The following PALD1 variants were observed in gnomAD, a reference collection of about 807,000 sequenced individuals.
PALD1 encodes paladin.
A neutral mutation model predicts 96.0 loss-of-function variants in PALD1; 57 were observed. That is an observed-to-expected ratio of 0.59 (90% confidence interval 0.48 to 0.74). The LOEUF is 0.74. Among genes scored for constraint, PALD1 ranks in the 30% least tolerant of loss-of-function variants. The pLI, the probability that PALD1 is intolerant of heterozygous loss-of-function variation, is 0.00. For missense variants in PALD1, 1,063 were observed against 1,143.7 expected, an observed-to-expected ratio of 0.93 and a Z score of 1.02; for synonymous variants, 464 against 473.6, an observed-to-expected ratio of 0.98 and a Z score of 0.26.
intron 16 of PALD1, 80 bp downstream of exon 16, chr10:70,541,322 C>T: frequency 1.9e-6 from 3 of 1,543,050 alleles, no homozygotes; most frequent in Non-Finnish European, 2.7e-6. Flanking sequence ...ACTGGCTCCA[C>T]AGGAGGGTGT....
chr10:70,462,812 T>G, the PALD1 span, among the ~76,000 whole-genome samples: 1 of 151,920 alleles, frequency 6.6e-6, no homozygotes, highest in Non-Finnish European at 1.5e-5. Flanking sequence ...AGCTCTCTGG[T>G]TTTTTAGAAG....
chr10:70,566,269 C>T (rs1034998520), intron 19 of PALD1, among the ~76,000 whole-genome samples: 9 of 152,214 alleles, frequency 5.9e-5, no homozygotes, highest in African/African-American at 1.9e-4. Flanking sequence ...TGCTCCTGGG[C>T]GTCCACGTGG....
chr10:70,483,442 C>G (rs1485752460), intron 1 of PALD1, among the ~76,000 whole-genome samples: 1 of 152,202 alleles, frequency 6.6e-6, no homozygotes, highest in Admixed American at 6.5e-5. Context: ...GGGTGTGTCA[C>G]TGCCAATGCT....
the PALD1 span, among the ~76,000 whole-genome samples, chr10:70,460,117 G>C: frequency 2.6e-5 from 4 of 152,132 alleles, no homozygotes; most frequent in Non-Finnish European, 4.4e-5. Context: ...GCTTTCGTGC[G>C]GCTAAGCTTC....
intron 18 of PALD1, among the ~76,000 whole-genome samples, chr10:70,561,872 A>T (rs1482447241): frequency 1.3e-5 from 2 of 151,690 alleles, no homozygotes; most frequent in Non-Finnish European, 2.9e-5. Context: ...TGTAGACCTC[A>T]CCCACCCTAG....
At chr10:70,541,409 A>T in intron 16 of PALD1, 54 bp from the exon 17 acceptor site, 2 of 1,576,170 alleles carry the variant, frequency 1.3e-6, no homozygotes, top group Non-Finnish European at 1.7e-6. Flanking sequence ...CTCCCCAGCA[A>T]GGGGCTCCTG....
chr10:70,473,295 C>G, the PALD1 span, among the ~76,000 whole-genome samples: 1 of 152,210 alleles, frequency 6.6e-6, no homozygotes, highest in Non-Finnish European at 1.5e-5. Flanking sequence ...TCCCACAGGT[C>G]TGTGAGCACC....
Position 70,567,092 on chromosome 10 carries a change from C to T in PALD1, c.*359C>T. 1 of 202,562 alleles carries T rather than the reference C, an allele frequency of 4.9e-6. No homozygotes were observed. Among genetic ancestry groups the T allele is most frequent in the Non-Finnish European group, 9.8e-6 (1 of 101,682 alleles). The allele number at this position is 202,562 out of a possible 1,614,324, so 12.5% of individuals were successfully genotyped here. A position where few individuals can be genotyped will look rare whatever the true frequency, so the allele number is the denominator to read the frequency against. On this transcript the variant is annotated 3_prime_UTR_variant, in exon 20 of 20. Coordinates refer to ENST00000263563, the MANE Select transcript of PALD1 (RefSeq NM_014431.3). ...ACTGTGGATCTCTCTGTCCTCTTCT[C>T]CCCTCTCTCAGATTGGCCTGGCAGC...
chr10:70,509,125 G>A (rs1199661516), intron 1 of PALD1, among the ~76,000 whole-genome samples: 1 of 152,204 alleles, frequency 6.6e-6, no homozygotes, highest in Admixed American at 6.5e-5. Flanking sequence ...AGGGGCGTGT[G>A]AGAGGCCATG....
At chr10:70,459,698 C>T in the PALD1 span, among the ~76,000 whole-genome samples, 21 of 152,342 alleles carry the variant, frequency 1.4e-4, no homozygotes, top group Non-Finnish European at 2.6e-4. Context: ...ACTCAGCTGT[C>T]CTCATCTGAG....
At chr10:70,469,534 G>A in the PALD1 span, among the ~76,000 whole-genome samples, 5 of 152,134 alleles carry the variant, frequency 3.3e-5, no homozygotes, top group Non-Finnish European at 7.3e-5. Flanking sequence ...CTGTAGAGGT[G>A]AGCGGGCTGA....
Position 70,566,643 on chromosome 10 carries a change from C to A in PALD1, c.2481C>A (p.Ser827Arg). ...AGCTGGGCTTCCCCGAGCTGGAGAG[C>A]GGGGAGGACCAGCCCTTCTCCAGGC... Reference protein sequence around the residue: ...LNELGFPELESGEDQPFSRLR... With the variant: ...LNELGFPELERGEDQPFSRLR... The change falls in exon 20 of 20, where the codon AGC becomes AGA. Residue 827 changes from serine (S) to arginine (R), a missense_variant. Ser to Arg is a moderately radical substitution (Grantham distance 110). Coordinates refer to ENST00000263563, the MANE Select transcript of PALD1 (RefSeq NM_014431.3). 1 of 1,608,818 alleles carries A rather than the reference C, an allele frequency of 6.2e-7. No homozygotes were observed. The highest frequency in any genetic ancestry group is 8.5e-7 in the Non-Finnish European group (1 of 1,177,914).
chr10:70,561,444 G>A (rs182427345), intron 18 of PALD1, among the ~76,000 whole-genome samples: 54 of 152,344 alleles, frequency 3.5e-4, no homozygotes, highest in African/African-American at 1.3e-3. Context: ...TAAGGGGTGG[G>A]GTGGAGAGCG....
intron 1 of PALD1, among the ~76,000 whole-genome samples, chr10:70,484,090 C>T (rs937910407): frequency 1.2e-4 from 18 of 152,214 alleles, no homozygotes; most frequent in South Asian, 4.1e-4. Context: ...GCAACCTCTG[C>T]GTCCCAGGTT....
At chr10:70,521,812 G>A (rs1846741891) in intron 1 of PALD1, among the ~76,000 whole-genome samples, 1 of 152,044 alleles carries the variant, frequency 6.6e-6, no homozygotes. Context: ...AGGATTACAG[G>A]CATGAAGCAA....
At chr10:70,489,011 G>T (rs1427449599) in intron 1 of PALD1, among the ~76,000 whole-genome samples, 1 of 152,150 alleles carries the variant, frequency 6.6e-6, no homozygotes, top group African/African-American at 2.4e-5. Context: ...TGCCGCTGGT[G>T]GGGGCTTCTT....
At position 70,495,338 on chromosome 10, in the gene PALD1, T is replaced by G. The variant is rs1471374584; in HGVS notation, c.-30+16279T>G. On this transcript the variant is annotated intron_variant, in intron 1 of 19. Coordinates refer to ENST00000263563, the MANE Select transcript of PALD1 (RefSeq NM_014431.3). ...CGTGTTCCCTGGTGGACTCCCTCCCTCCCTCCCTCTCCTTCTCTTGTTGGA... is the reference window on the plus strand; with the variant it reads ...CGTGTTCCCTGGTGGACTCCCTCCCGCCCTCCCTCTCCTTCTCTTGTTGGA... 2.8e-5 allele frequency among the ~76,000 whole-genome samples: 4 copies of G among 144,534 alleles called. No homozygotes were observed. In the South Asian group the frequency reaches 9.7e-4, roughly 35 times the overall value. The allele number at this position is 144,534 out of a possible 152,430, so 94.8% of individuals were successfully genotyped here. A position where few individuals can be genotyped will look rare whatever the true frequency, so the allele number is the denominator to read the frequency against.
chr10:70,482,534 G>A (rs1362874017), intron 1 of PALD1, among the ~76,000 whole-genome samples: 6 of 152,148 alleles, frequency 3.9e-5, no homozygotes, highest in South Asian at 2.1e-4. Context: ...GCTGGGACCC[G>A]GGGAAAGAGA....
the PALD1 span, among the ~76,000 whole-genome samples, chr10:70,462,995 C>T: frequency 2.0e-5 from 3 of 152,192 alleles, no homozygotes; most frequent in African/African-American, 7.2e-5. Flanking sequence ...ACTCACATTC[C>T]ACTGGAAAGA....
Sources: gnomAD v4.1 joint callset for allele counts (sites outside exome capture counted in the v4.1 genomes callset) on GRCh38, gnomAD v4.1.1 for gene constraint, MANE v1.5 for transcripts, NCBI Gene and HGNC (gene_info 2026-07-23, HGNC 2026-07-21) for gene names.